Variants in GAS2 observed in about 807,000 individuals in gnomAD.
GAS2 encodes the protein growth arrest specific 2.
A neutral mutation model predicts 37.5 loss-of-function variants in GAS2; 20 were observed. That is an observed-to-expected ratio of 0.53 (90% CI 0.37 to 0.77). The LOEUF (loss-of-function observed/expected upper bound fraction) is 0.77. Among genes scored for constraint, GAS2 ranks in the 30% least tolerant of loss-of-function variants. The pLI, the probability that GAS2 is intolerant of heterozygous loss-of-function variation, is 0.00. For synonymous variants in GAS2, 144 were observed against 132.2 expected (o/e 1.09, Z -0.61); for missense variants, 336 against 373.4 (o/e 0.90, Z 0.82).
At chr11:22,734,828 C>T (rs1007252356) in intron 4 of GAS2, among the ~76,000 whole-genome samples, 16 of 151,812 alleles carry the variant, frequency 1.1e-4, no homozygotes, top group African/African-American at 2.2e-4. Context: ...GCTTGAATTA[C>T]GCAACCATTA....
intron 3 of GAS2, among the ~76,000 whole-genome samples, chr11:22,709,275 A>G (rs115346526): frequency 0.013 from 1,927 of 152,148 alleles, 38 homozygotes; most frequent in African/African-American, 0.044. Flanking sequence ...TTTGTCTTAA[A>G]TGTTTATTTT....
At chr11:22,804,712 G>T (rs1590150442) in intron 7 of GAS2, among the ~76,000 whole-genome samples, 1 of 152,204 alleles carries the variant, frequency 6.6e-6, no homozygotes, top group East Asian at 1.9e-4. Context: ...GATAAGTGTA[G>T]ATTCAGGTAT....
At chr11:22,806,437 A>C (rs1409854515) in intron 7 of GAS2, among the ~76,000 whole-genome samples, 1 of 152,188 alleles carries the variant, frequency 6.6e-6, no homozygotes. Flanking sequence ...ACTTTGATAT[A>C]CTGATTTCAT....
At chr11:22,717,032 T>C (rs992047060) in intron 3 of GAS2, among the ~76,000 whole-genome samples, 4 of 152,210 alleles carry the variant, frequency 2.6e-5, no homozygotes, top group Non-Finnish European at 5.9e-5. Flanking sequence ...CCCATGCTCA[T>C]GGATGGGTAG....
chr11:22,635,174 AGTCC>A (rs1858804584), intron 1 of GAS2, among the ~76,000 whole-genome samples: 2 of 152,162 alleles, frequency 1.3e-5, no homozygotes, highest in Admixed American at 1.3e-4. Flanking sequence ...GACTTCCCAA[AGTCC>A]CTGCCCTTTG....
upstream of GAS2, among the ~76,000 whole-genome samples, chr11:22,665,915 A>C (rs891151532): frequency 2.0e-5 from 3 of 152,262 alleles, no homozygotes; most frequent in African/African-American, 7.2e-5. Context: ...CATTGTAAAC[A>C]TTGGATGGCA....
chr11:22,644,227 A>G (rs1358482966), intron 1 of GAS2, among the ~76,000 whole-genome samples: 2 of 152,132 alleles, frequency 1.3e-5, no homozygotes, highest in African/African-American at 4.8e-5. Context: ...ACGTAATCTG[A>G]GTTCTTAGAT....
intron 1 of GAS2, among the ~76,000 whole-genome samples, chr11:22,658,726 G>A (rs567090187): frequency 2.5e-4 from 38 of 152,248 alleles, no homozygotes; most frequent in African/African-American, 8.4e-4. Context: ...TAGAACATGG[G>A]CATACTGAGA....
At position 22,812,050 on chromosome 11, in the gene GAS2, T is replaced by C; in HGVS notation, c.*34T>C. On this transcript the variant is annotated 3_prime_UTR_variant, in exon 8 of 8. Transcript: ENST00000454584. ...GGTCATGACAAGGGGACCCTCATAATGGCCTGTATCCACTTCTCCAGTATA... is the reference window on the plus strand; with the variant it reads ...GGTCATGACAAGGGGACCCTCATAACGGCCTGTATCCACTTCTCCAGTATA... 1 of 1,482,072 alleles carries C rather than the reference T, an allele frequency of 6.7e-7. No homozygotes were observed. The allele number at this position is 1,482,072 out of a possible 1,614,324, so 91.8% of individuals were successfully genotyped here.
intron 1 of GAS2, among the ~76,000 whole-genome samples, chr11:22,637,257 TAATATATTAATTATATTAATAGTATAC>T (rs1339881904): frequency 1.7e-4 from 2 of 11,990 alleles, no homozygotes; most frequent in Non-Finnish European, 2.7e-4. Flanking sequence ...AATAGTATAC[TAATATATTAATTATATTAATAGTATAC>T]TAATATAATA....
At chr11:22,682,181 GTAAAATTCTTTTTACAAGTA>G (rs1365379966) in intron 2 of GAS2, among the ~76,000 whole-genome samples, 5 of 151,994 alleles carry the variant, frequency 3.3e-5, no homozygotes, top group African/African-American at 9.7e-5. Flanking sequence ...GATGTTCAAT[GTAAAATTCTTTTTACAAGTA>G]TTCATGAAAA....
intron 2 of GAS2, among the ~76,000 whole-genome samples, chr11:22,685,142 C>T (rs760752226): frequency 3.4e-5 from 5 of 146,594 alleles, no homozygotes; most frequent in Middle Eastern, 6.9e-3. Flanking sequence ...CTCCAGATTG[C>T]GTGACAGAGT....
chr11:22,759,967 T>C (rs1336446271), intron 7 of GAS2, among the ~76,000 whole-genome samples: 2 of 152,126 alleles, frequency 1.3e-5, no homozygotes, highest in African/African-American at 2.4e-5. Context: ...ATTTGACTTA[T>C]CAATTCCAAT....
At chr11:22,708,569 C>G (rs1275702669) in intron 3 of GAS2, among the ~76,000 whole-genome samples, 3 of 152,142 alleles carry the variant, frequency 2.0e-5, no homozygotes, top group Non-Finnish European at 4.4e-5. Flanking sequence ...CTCAGGCAGT[C>G]TGGTTCCAAA....
At chr11:22,738,837 G>A (rs560590947) in intron 5 of GAS2, among the ~76,000 whole-genome samples, 63 of 152,072 alleles carry the variant, frequency 4.1e-4, no homozygotes, top group South Asian at 3.5e-3. Context: ...TTGTGCATCG[G>A]GTATAAATTT....
chr11:22,655,596 C>T (rs942611714), intron 1 of GAS2, among the ~76,000 whole-genome samples: 1 of 152,182 alleles, frequency 6.6e-6, no homozygotes. Context: ...GTGGAAATTA[C>T]CAATTTTCTT....
chr11:22,789,084 G>T (rs959676230), intron 7 of GAS2, among the ~76,000 whole-genome samples: 4 of 150,868 alleles, frequency 2.7e-5, no homozygotes, highest in Admixed American at 1.3e-4. Flanking sequence ...AGTGGGAAAA[G>T]AATTCAAATA....
chr11:22,762,842 T>C (rs563494487), intron 7 of GAS2, among the ~76,000 whole-genome samples: 1 of 152,310 alleles, frequency 6.6e-6, no homozygotes, highest in East Asian at 1.9e-4. Flanking sequence ...CTATCTGTCC[T>C]GATATCTTTT....
At chr11:22,717,517 A>G (rs796307786) in intron 3 of GAS2, among the ~76,000 whole-genome samples, 15 of 152,272 alleles carry the variant, frequency 9.9e-5, no homozygotes, top group African/African-American at 3.6e-4. Flanking sequence ...CTGAAACTGT[A>G]AAAATTCTGG....
Sources: gnomAD v4.1 joint callset for allele counts (sites outside exome capture counted in the v4.1 genomes callset) on GRCh38, gnomAD v4.1.1 for gene constraint, MANE v1.5 for transcripts, NCBI Gene and HGNC (gene_info 2026-07-23, HGNC 2026-07-21) for gene names.